The following IL1RAPL1 variants were observed in gnomAD, a reference collection of about 807,000 sequenced individuals.
The protein encoded by IL1RAPL1 is interleukin 1 receptor accessory protein like 1, also known as interleukin-1 receptor accessory protein-like 1.
A neutral mutation model predicts 48.4 loss-of-function variants in IL1RAPL1; 3 were observed. That is an observed-to-expected ratio of 0.06 (90% CI 0.03 to 0.16). The LOEUF is 0.16. Among genes scored for constraint, IL1RAPL1 ranks in the 10% least tolerant of loss-of-function variants. The pLI, the probability that IL1RAPL1 is intolerant of heterozygous loss-of-function variation, is 1.00. For missense variants in IL1RAPL1, 349 were observed against 530.6 expected (o/e 0.66, Z 3.36); for synonymous variants, 185 against 187.7 (o/e 0.99, Z 0.12).
At chrX:29,122,404 C>T (rs1014119557) in intron 2 of IL1RAPL1, among the ~76,000 whole-genome samples, 1 of 81,178 alleles carries the variant, frequency 1.2e-5, no homozygotes, top group Non-Finnish European at 2.2e-5. Context: ...CTTTCTCTCT[C>T]TCTCTCACAC....
intron 2 of IL1RAPL1, among the ~76,000 whole-genome samples, chrX:28,925,281 A>G (rs1923712421): frequency 1.8e-5 from 2 of 112,056 alleles, no homozygotes; most frequent in African/African-American, 6.5e-5. Flanking sequence ...TAAATTCCCT[A>G]ACGAGAAGAC....
chrX:29,132,129 G>GT (rs1264556319), intron 2 of IL1RAPL1, among the ~76,000 whole-genome samples: 1 of 111,526 alleles, frequency 9.0e-6, no homozygotes, highest in East Asian at 2.8e-4. Flanking sequence ...GCCTGCTAGG[G>GT]TTTTTTCAAA....
chrX:29,131,206 A>G (rs183679532), intron 2 of IL1RAPL1, among the ~76,000 whole-genome samples: 118 of 110,963 alleles, frequency 1.1e-3, no homozygotes, highest in Non-Finnish European at 1.8e-3. Context: ...CATTTTATTG[A>G]ATGAATTTGA....
At chrX:29,345,935 C>T (rs566450995) in intron 3 of IL1RAPL1, among the ~76,000 whole-genome samples, 4 of 111,972 alleles carry the variant, frequency 3.6e-5, no homozygotes, top group African/African-American at 6.5e-5. Context: ...TTTCCTTTCC[C>T]TATACTTTTT....
chrX:28,937,377 GAT>G (rs1422391932), intron 2 of IL1RAPL1, among the ~76,000 whole-genome samples: 2 of 110,803 alleles, frequency 1.8e-5, no homozygotes, highest in Non-Finnish European at 1.9e-5. Flanking sequence ...CTACCTACTT[GAT>G]TAAGGTAACT....
intron 2 of IL1RAPL1, among the ~76,000 whole-genome samples, chrX:28,914,088 A>G (rs935748556): frequency 1.8e-5 from 2 of 111,544 alleles, no homozygotes; most frequent in African/African-American, 6.5e-5. Flanking sequence ...TTCAGAAATT[A>G]AACTAGTCAA....
At chrX:29,449,738 T>TACACACAC (rs539577442) in intron 5 of IL1RAPL1, among the ~76,000 whole-genome samples, 33 of 63,892 alleles carry the variant, frequency 5.2e-4, no homozygotes, top group East Asian at 2.0e-3. Context: ...TACATATGCA[T>TACACACAC]ACACACACAC....
At chrX:29,875,527 C>T (rs187961140) in intron 6 of IL1RAPL1, among the ~76,000 whole-genome samples, 1 of 111,689 alleles carries the variant, frequency 9.0e-6, no homozygotes, top group African/African-American at 3.3e-5. Context: ...AGTCTCTGTG[C>T]ACCCAGAGAA....
At chrX:29,240,204 ATATATATATATATATATATATTTTTT>A (rs1569267321) in intron 2 of IL1RAPL1, among the ~76,000 whole-genome samples, 837 of 14,089 alleles carry the variant, frequency 0.059, 17 homozygotes, top group African/African-American at 0.17. Context: ...ACATATATAT[ATATATATATATATATATATATTTTTT>A]TTTTTTTTTT....
At chrX:28,783,101 T>C (rs1169214279) in intron 1 of IL1RAPL1, among the ~76,000 whole-genome samples, 1 of 111,412 alleles carries the variant, frequency 9.0e-6, no homozygotes, top group Non-Finnish European at 1.9e-5. Context: ...ACTTTTCAGC[T>C]TCACCTGGTG....
chrX:28,958,275 C>T (rs1369490523), intron 2 of IL1RAPL1, among the ~76,000 whole-genome samples: 1 of 111,638 alleles, frequency 9.0e-6, no homozygotes, highest in South Asian at 3.8e-4. Context: ...TTCAACCCTG[C>T]CCAGTCACCC....
chrX:29,292,960 A>C, intron 3 of IL1RAPL1, among the ~76,000 whole-genome samples: 1 of 111,596 alleles, frequency 9.0e-6, no homozygotes, highest in Non-Finnish European at 1.9e-5. Flanking sequence ...CACTTTCTGT[A>C]GTTTTTTGGT....
At chrX:29,919,156 A>G (rs1000085522) in intron 7 of IL1RAPL1, among the ~76,000 whole-genome samples, 2 of 112,274 alleles carry the variant, frequency 1.8e-5, no homozygotes, top group African/African-American at 6.5e-5. Context: ...CCAGAAGGCT[A>G]GATGGACAAT....
intron 1 of IL1RAPL1, among the ~76,000 whole-genome samples, chrX:28,715,979 C>T (rs920340789): frequency 8.9e-6 from 1 of 111,896 alleles, no homozygotes; most frequent in Admixed American, 9.5e-5. Context: ...AAAGCTTATC[C>T]ACCACAATCA....
chrX:29,532,662 T>A (rs1210328897), intron 5 of IL1RAPL1, among the ~76,000 whole-genome samples: 1 of 112,143 alleles, frequency 8.9e-6, no homozygotes, highest in Admixed American at 9.4e-5. Context: ...CATGAATCTG[T>A]CCTGTGCAGC....
intron 8 of IL1RAPL1, among the ~76,000 whole-genome samples, chrX:29,921,871 C>T (rs1285537801): frequency 1.8e-5 from 2 of 112,253 alleles, no homozygotes; most frequent in East Asian, 2.8e-4. Flanking sequence ...TGAACCTTTA[C>T]TTCACTAGAT....
intron 6 of IL1RAPL1, among the ~76,000 whole-genome samples, chrX:29,752,229 G>A (rs1234239866): frequency 9.4e-6 from 1 of 106,172 alleles, no homozygotes; most frequent in Non-Finnish European, 1.9e-5. Context: ...CGGGCGCAGG[G>A]GCTCACACCT....
At position 29,679,646 on chromosome X, in the gene IL1RAPL1, T is replaced by A. The variant is rs1170768213; in HGVS notation, c.778+11142T>A. ...ATGTAATTTGTAATGATTATTATTT[T>A]AAAAAAAACCCTGTCTCTATTTACC... On this transcript the variant is annotated intron_variant, in intron 6 of 10. Transcript: ENST00000378993. Among the ~76,000 whole-genome samples the A allele has an allele frequency of 1.2e-4, 14 of 112,009 alleles. No individual in the cohort carries two copies. In the East Asian group the frequency reaches 1.7e-3, roughly 13 times the overall value.
chrX:29,650,161 C>T (rs1925469659), intron 5 of IL1RAPL1, among the ~76,000 whole-genome samples: 1 of 111,458 alleles, frequency 9.0e-6, no homozygotes, highest in African/African-American at 3.2e-5. Context: ...TTTGTATTCA[C>T]AAACTGGAAG....
Sources: allele counts gnomAD v4.1 joint callset (sites outside exome capture counted in the v4.1 genomes callset), GRCh38; gene constraint gnomAD v4.1.1; transcripts MANE v1.5; gene names NCBI Gene and HGNC (gene_info 2026-07-23, HGNC 2026-07-21).